SHC1: variants seen among roughly 807,000 people sequenced by gnomAD.
SHC1 encodes the protein SHC adaptor protein 1, also known as SHC-transforming protein 1.
In SHC1, 30 loss-of-function variants were observed where a neutral mutation model predicts 55.9. That is an observed-to-expected ratio of 0.54 (90% CI 0.40 to 0.73). SHC1 has a LOEUF of 0.73. Among genes scored for constraint, SHC1 ranks in the 30% least tolerant of loss-of-function variants. The pLI is 0.00. For synonymous variants in SHC1, 309 were observed against 306.1 expected, an observed-to-expected ratio of 1.01 and a Z score of -0.10; for missense variants, 675 against 777.1, an observed-to-expected ratio of 0.87 and a Z score of 1.56.
chr1:154,964,390 A>T (rs186924750), intron 11 of SHC1: 49 of 406,194 alleles, frequency 1.2e-4, no homozygotes, highest in African/African-American at 8.8e-4. Flanking sequence ...AAAATACAAA[A>T]ATTAGCCAGG....
At chr1:154,965,112 T>C (rs1655773517) in intron 11 of SHC1, among the ~76,000 whole-genome samples, 1 of 152,086 alleles carries the variant, frequency 6.6e-6, no homozygotes. Context: ...TCTCAGCTCA[T>C]TGCAACCTCT....
At chr1:154,969,008 A>G (rs531228542) in intron 2 of SHC1, 174 bp from the exon 3 acceptor site, 1 of 640,880 alleles carries the variant, frequency 1.6e-6, no homozygotes, top group Non-Finnish European at 2.8e-6. Context: ...CTGAGAGGCC[A>G]CTTCCTGGCT....
At chr1:154,971,244 C>T (rs1178600695), upstream of SHC1, among the ~76,000 whole-genome samples, 1 of 152,174 alleles carries the variant, frequency 6.6e-6, no homozygotes, top group Non-Finnish European at 1.5e-5. Flanking sequence ...AACCGCTACC[C>T]CATACAGTAA....
In SHC1 at chr1:154,963,810, T is replaced by G. The variant is rs1350645777; in HGVS notation, c.1748A>C (p.Lys583Thr). 1.2e-6 allele frequency: 2 copies of G among 1,613,872 alleles called. No individual in the cohort carries two copies. The highest frequency in any genetic ancestry group is 1.7e-6 in the Non-Finnish European group (2 of 1,180,010). The part of the protein sequence containing the change: ...ELCLQQPVER[K>T]L ...AGAGAGCGCTAGGGCAGATCACAGT[T>G]TCCGCTCCACAGGTTGCTGTAGACA... The change falls in exon 12 of 12, where the codon AAA (lysine) becomes ACA (threonine). Residue 583 changes from lysine to threonine, a missense_variant. Coordinates refer to ENST00000448116, the MANE Select transcript of SHC1 (RefSeq NM_001130040.2).
In SHC1 at chr1:154,969,947, G is replaced by GA. The variant is rs1439685367; in HGVS notation, c.495+84dup. ...AAACGGGGTTGTTGGGGAACAGCAG[G>GA]AAAAAAGAGATTCCGGCCAAGCTGG... On this transcript the variant is annotated intron_variant, in intron 1 of 11. Transcript: ENST00000448116. The GA allele has an allele frequency of 4.5e-5, 66 of 1,472,970 alleles. 2 individuals are homozygous for GA. The Admixed American group carries it at 9.2e-4, about 21-fold the overall frequency. 91.2% of individuals were successfully genotyped at this position (1,472,970 alleles called of 1,614,324 possible).
At position 154,962,747 on chromosome 1, in the gene SHC1, A is replaced by G. The variant is rs540329051; in HGVS notation, c.*1056T>C. 9.8e-5 allele frequency: 15 copies of G among 152,820 alleles called. No individual in the cohort carries two copies. The highest frequency in any genetic ancestry group is 1.9e-4 in the Non-Finnish European group (13 of 68,050). The allele number at this position is 152,820 out of a possible 1,614,324, so 9.5% of individuals were successfully genotyped here. ...TGTATAAATGTAATAATTGATTATC[A>G]TTTTGTGCTCAAGAATAAGCAATGG... On this transcript the variant is annotated 3_prime_UTR_variant, in exon 12 of 12. Transcript: ENST00000448116.
Position 154,963,830 on chromosome 1 carries a change from T to C in SHC1, c.1728A>G (p.Leu576=), listed in dbSNP as rs147883617. 2.5e-6 allele frequency: 4 copies of C among 1,614,114 alleles called. No individual in the cohort carries two copies. Among genetic ancestry groups the C allele is most frequent in the African/African-American group, 1.3e-5 (1 of 75,032 alleles). The change falls in exon 12 of 12, where the codon CTA becomes CTG. Residue 576 remains leucine, a synonymous_variant. Coordinates refer to ENST00000448116, the MANE Select transcript of SHC1 (RefSeq NM_001130040.2). ...PIISAGSELC[L]QQPVERKL ...ACAGTTTCCGCTCCACAGGTTGCTG[T>C]AGACACAGTTCGCTGCCCGCAGAGA...
chr1:154,967,084 G>A (rs754262303), intron 7 of SHC1, among the ~76,000 whole-genome samples: 1 of 152,006 alleles, frequency 6.6e-6, no homozygotes, highest in Non-Finnish European at 1.5e-5. Context: ...ACTCCAGCCT[G>A]GGCTACAGAG....
In SHC1 at chr1:154,970,244, C is replaced by A. The variant is rs1192413739; in HGVS notation, c.283G>T (p.Val95Leu). 1 of 1,612,270 alleles carries A rather than the reference C, an allele frequency of 6.2e-7. No homozygotes were observed. Among genetic ancestry groups the A allele is most frequent in the South Asian group, 1.1e-5 (1 of 90,988 alleles). ...GRAADDGEGI[V>L]GAAMPDSGPL... ...CCTGAGTCTGGCATGGCTGCCCCTACGATCCCCTCCCCATCATCAGCTGCC... is the reference window on the plus strand; with the variant it reads ...CCTGAGTCTGGCATGGCTGCCCCTAAGATCCCCTCCCCATCATCAGCTGCC... Residue 95 changes from valine (V) to leucine (L), a missense_variant, in exon 1 of 12, where the codon GTA (valine) becomes TTA (leucine). Transcript: ENST00000448116. The surrounding 1 kb of genome is among the most constrained non-coding windows in gnomAD (Gnocchi z 5.5).
Position 154,962,523 on chromosome 1 carries a change from A to C in SHC1, c.*1280T>G, listed in dbSNP as rs779507539. On this transcript the variant is annotated 3_prime_UTR_variant, in exon 12 of 12. Coordinates refer to ENST00000448116, the MANE Select transcript of SHC1 (RefSeq NM_001130040.2). ...ACTGCAGGTTTTGCGTTTCCCCTCC[A>C]TGAAACTGACAGGCATTCGGGCTGA... 6.6e-6 allele frequency: 1 copy of C among 152,470 alleles called. No individual in the cohort carries two copies. Among genetic ancestry groups the C allele is most frequent in the Admixed American group, 6.5e-5 (1 of 15,288 alleles). 9.4% of individuals were successfully genotyped at this position (152,470 alleles called of 1,614,324 possible). A position where few individuals can be genotyped will look rare whatever the true frequency, so the allele number is the denominator to read the frequency against.
At chr1:154,969,963 G>T (rs1656533097) in intron 1 of SHC1, 69 bp downstream of exon 1, 7 of 1,544,288 alleles carry the variant, frequency 4.5e-6, no homozygotes, top group East Asian at 2.3e-5. Flanking sequence ...AGAGATTCCG[G>T]CCAAGCTGGA....
chr1:154,968,047 A>G lies in SHC1; in HGVS notation c.805-16T>C. Reference sequence around the variant, plus strand: ...CGGCTGTGTCCTGGGGAGGAAGGTCAAAAAATTTTACAGTTCTACTTTACT... The same window carrying G: ...CGGCTGTGTCCTGGGGAGGAAGGTCGAAAAATTTTACAGTTCTACTTTACT... On this transcript the variant is annotated splice_polypyrimidine_tract_variant and intron_variant, in intron 5 of 11. Transcript: ENST00000448116. The G allele has an allele frequency of 6.2e-7, 1 of 1,613,818 alleles. No individual in the cohort carries two copies. The highest frequency in any genetic ancestry group is 1.1e-5 in the South Asian group (1 of 91,080).
upstream of SHC1, chr1:154,973,282 G>A (rs1403195564): frequency 6.6e-6 from 1 of 152,192 alleles, no homozygotes; most frequent in Admixed American, 6.5e-5. Context: ...AGGCTGATAA[G>A]GGTGGAGCAC....
intron 5 of SHC1, 77 bp from the exon 6 acceptor site, chr1:154,968,108 C>T: frequency 6.3e-7 from 1 of 1,591,500 alleles, no homozygotes; most frequent in East Asian, 2.2e-5. Flanking sequence ...TCAGATATCC[C>T]CACAATCCTA....
intron 7 of SHC1, 51 bp downstream of exon 7, chr1:154,967,620 C>T (rs574553594): frequency 1.2e-5 from 19 of 1,591,838 alleles, no homozygotes; most frequent in South Asian, 6.8e-5. Flanking sequence ...AGCAGCCCTC[C>T]TTTCCTAATC....
chr1:154,970,880 A>C (rs55692044), upstream of SHC1: 4 of 189,670 alleles, frequency 2.1e-5, no homozygotes, highest in East Asian at 1.4e-4. This position sits in a 1 kb window ranked among gnomAD's most constrained non-coding sequence, Gnocchi z 5.5. Context: ...CCCCGCCCCA[A>C]CCTCGAACTG....
At position 154,970,528 on chromosome 1, in the gene SHC1, GT is replaced by G; in HGVS notation, c.-3del. The stretch of plus-strand genomic sequence containing the variant: ...GGGCTTGGGGGGCAGGAGATCCATA[GT>G]TGAGGTGAAAGAGGGGCTGCTGCCC... On this transcript the variant is annotated 5_prime_UTR_variant, in exon 1 of 12. Coordinates refer to ENST00000448116, the MANE Select transcript of SHC1 (RefSeq NM_001130040.2). This position sits in a 1 kb window ranked among gnomAD's most constrained non-coding sequence, Gnocchi z 5.5. 1.3e-6 allele frequency: 2 copies of G among 1,597,776 alleles called. No homozygotes were observed. Among genetic ancestry groups the G allele is most frequent in the Non-Finnish European group, 1.7e-6 (2 of 1,173,770 alleles).
In SHC1 at chr1:154,970,180, C is replaced by T. The variant is rs984099784; in HGVS notation, c.347G>A (p.Gly116Glu). 2.5e-6 allele frequency: 4 copies of T among 1,613,684 alleles called. No individual in the cohort carries two copies. In the African/African-American group the frequency reaches 5.3e-5, roughly 22 times the overall value. The change falls in exon 1 of 12, where the codon GGA becomes GAA. Residue 116 changes from glycine (G) to glutamate (E), a missense_variant. Around this residue, in one of 3 missense-constraint regions of SHC1, gnomAD observed 156 missense variants for 159.1 expected, o/e 0.98. Coordinates refer to ENST00000448116, the MANE Select transcript of SHC1 (RefSeq NM_001130040.2). This position sits in a 1 kb window ranked among gnomAD's most constrained non-coding sequence, Gnocchi z 5.5. ...CACCCGAGTCCTGCGCCCGCCGCCT[C>T]CACTCAGCTTGTTCATGTCCTGGAG... ...PLLQDMNKLS[G>E]GGGRRTRVEG...
Position 154,966,034 on chromosome 1 carries a change from G to A in SHC1, c.1299C>T (p.Asn433=). 1.9e-6 allele frequency: 3 copies of A among 1,614,098 alleles called. No individual in the cohort carries two copies. The highest frequency in any genetic ancestry group is 2.2e-5 in the South Asian group (2 of 91,080). ...FDDPSYVNVQ[N]LDKARQAVGG... ...CCACTGCTTGCCGGGCCTTGTCTAG[G>A]TTCTGGACGTTGACATAGGAGGGAT... Residue 433 remains asparagine, a synonymous_variant, in exon 10 of 12, where the codon AAC becomes AAT. Transcript: ENST00000448116.
Sources: gnomAD v4.1 joint callset for allele counts (sites outside exome capture counted in the v4.1 genomes callset) on GRCh38, gnomAD v4.1.1 for gene constraint, gnomAD v4.1.1 regional missense constraint, Gnocchi (gnomAD v3.1) non-coding constraint, MANE v1.5 for transcripts, NCBI Gene and HGNC (gene_info 2026-07-23, HGNC 2026-07-21) for gene names.